The following BAHCC1 variants were observed in gnomAD, a reference collection of about 807,000 sequenced individuals.
The protein encoded by BAHCC1 is BAH domain and coiled-coil containing 1.
Under a neutral mutation model 88.2 loss-of-function variants are expected in BAHCC1, and 43 were observed. That is an observed-to-expected ratio of 0.49 (90% CI 0.38 to 0.63). The LOEUF is 0.63. Ranked by LOEUF, BAHCC1 falls within the 20% of genes least tolerant of loss-of-function variation. The pLI, the probability that BAHCC1 is intolerant of heterozygous loss-of-function variation, is 0.00. For synonymous variants in BAHCC1, 1,510 were observed against 745.5 expected, an observed-to-expected ratio of 2.03 and a Z score of -16.71; for missense variants, 3,023 against 1,654.8, an observed-to-expected ratio of 1.83 and a Z score of -14.34.
At chr17:81,439,352 G>A (rs529459146) in intron 4 of BAHCC1, among the ~76,000 whole-genome samples, 112 of 152,328 alleles carry the variant, frequency 7.4e-4, no homozygotes, top group African/African-American at 2.5e-3. Flanking sequence ...CACAGGGGCC[G>A]GCATCGGTGA....
Position 81,419,555 on chromosome 17 carries a change from C to T in BAHCC1, c.179-7245C>T, listed in dbSNP as rs552414308. ...CCTGGTGTCCCCCGCCTGGGCGGGC[C>T]CTGTGGGGAGCGGGGAAGGTGTGGA... On this transcript the variant is annotated intron_variant, in intron 2 of 27. Coordinates refer to ENST00000675386, the MANE Select transcript of BAHCC1 (RefSeq NM_001377448.1). Among the ~76,000 whole-genome samples, 7 of 152,160 alleles carry T rather than the reference C, an allele frequency of 4.6e-5. No individual in the cohort carries two copies. The South Asian group carries it at 1.4e-3, about 32-fold the overall frequency.
Position 81,459,146 on chromosome 17 carries a change from A to G in BAHCC1, c.5698A>G (p.Arg1900Gly), listed in dbSNP as rs1483899102. Residue 1900 changes from arginine to glycine, a missense_variant, in exon 21 of 28, where the codon AGG (arginine) becomes GGG (glycine). Transcript: ENST00000675386. ...EDSLLYAGSV[R>G]TLQPPDIYSI... ...TAGCCTGCTGTACGCGGGCAGCGTCAGGACCCTGCAGCCACCCGACATGTG... is the reference window on the plus strand; with the variant it reads ...TAGCCTGCTGTACGCGGGCAGCGTCGGGACCCTGCAGCCACCCGACATGTG... 6.5e-6 allele frequency: 5 copies of G among 769,798 alleles called. No individual in the cohort carries two copies. Among genetic ancestry groups the G allele is most frequent in the African/African-American group, 3.4e-5 (2 of 58,950 alleles). 47.7% of individuals were successfully genotyped at this position (769,798 alleles called of 1,614,324 possible). A position where few individuals can be genotyped will look rare whatever the true frequency, so the allele number is the denominator to read the frequency against.
intron 3 of BAHCC1, among the ~76,000 whole-genome samples, chr17:81,430,890 G>A (rs2064252691): frequency 6.6e-6 from 1 of 152,084 alleles, no homozygotes; most frequent in Non-Finnish European, 1.5e-5. Flanking sequence ...CCCTTGCCCT[G>A]CCTAGACCTG....
intron 14 of BAHCC1, among the ~76,000 whole-genome samples, chr17:81,454,492 G>A (rs1191310056): frequency 2.0e-5 from 3 of 152,134 alleles, no homozygotes; most frequent in South Asian, 2.1e-4. Context: ...GCCCGGCAAC[G>A]GGGTCCCTGG....
chr17:81,457,319 C>T, intron 16 of BAHCC1, 91 bp from the exon 17 acceptor site: 2 of 673,870 alleles, frequency 3.0e-6, no homozygotes, highest in Non-Finnish European at 5.5e-6. Flanking sequence ...CACAGCCCCG[C>T]CATAACCGCA....
At chr17:81,413,933 C>T (rs549472341) in intron 2 of BAHCC1, among the ~76,000 whole-genome samples, 62 of 152,328 alleles carry the variant, frequency 4.1e-4, no homozygotes, top group African/African-American at 1.3e-3. Flanking sequence ...TCCGCAGGTG[C>T]GTCAGCCACC....
intron 11 of BAHCC1, among the ~76,000 whole-genome samples, chr17:81,448,394 A>T (rs1254906542): frequency 6.6e-6 from 1 of 151,922 alleles, no homozygotes; most frequent in African/African-American, 2.4e-5. Context: ...CAGCCGGACA[A>T]CAGTGGGCGG....
At chr17:81,407,806 G>A (rs1464733780) in intron 2 of BAHCC1, among the ~76,000 whole-genome samples, 1 of 152,188 alleles carries the variant, frequency 6.6e-6, no homozygotes, top group Non-Finnish European at 1.5e-5. Flanking sequence ...ACATACACCT[G>A]CTCCTGTGTG....
intron 5 of BAHCC1, 119 bp downstream of exon 5, chr17:81,443,683 C>A (rs1171054083): frequency 1.6e-6 from 1 of 641,364 alleles, no homozygotes; most frequent in African/African-American, 1.8e-5. Flanking sequence ...CTCCGAGGCC[C>A]CAGGACCAGG....
intron 2 of BAHCC1, among the ~76,000 whole-genome samples, chr17:81,416,852 C>G (rs1358369479): frequency 6.6e-6 from 1 of 152,218 alleles, no homozygotes; most frequent in Non-Finnish European, 1.5e-5. Context: ...ATGGGAGAGG[C>G]TGGCCAGCAG....
rs200375025 is a variant in BAHCC1 at position 81,461,117 on chromosome 17, G to A, written c.6454G>A (p.Gly2152Ser). 5.9e-4 allele frequency: 452 copies of A among 765,184 alleles called. No individual in the cohort carries two copies. Among genetic ancestry groups the A allele is most frequent in the African/African-American group, 8.8e-4 (52 of 59,186 alleles). The allele number at this position is 765,184 out of a possible 1,614,324, so 47.4% of individuals were successfully genotyped here. A position where few individuals can be genotyped will look rare whatever the true frequency, so the allele number is the denominator to read the frequency against. The change falls in exon 26 of 28, where the codon GGC becomes AGC. Residue 2152 changes from glycine to serine, a missense_variant. By Grantham distance (56) the Gly-to-Ser change is moderately conservative. Coordinates refer to ENST00000675386, the MANE Select transcript of BAHCC1 (RefSeq NM_001377448.1). Reference protein sequence around the residue: ...HSVATPIFGNGFRADSFSSLA... With the variant: ...HSVATPIFGNSFRADSFSSLA... ...CGTGGCCACACCCATATTTGGCAAC[G>A]GCTTCCGCGCCGACTCCTTCAGCAG...
chr17:81,456,913 C>T (rs1329355154), intron 16 of BAHCC1, among the ~76,000 whole-genome samples: 6 of 149,510 alleles, frequency 4.0e-5, no homozygotes, highest in East Asian at 2.0e-4. Flanking sequence ...CTGTAGCATC[C>T]GGCTGAGCTG....
chr17:81,462,102 C>T (rs1404574730), intron 26 of BAHCC1, 56 bp downstream of exon 26: 1 of 680,910 alleles, frequency 1.5e-6, no homozygotes, highest in African/African-American at 1.8e-5. Flanking sequence ...CCGGGGCGGG[C>T]TCATGCGCCC....
chr17:81,455,820 C>A (rs546228299), intron 15 of BAHCC1, among the ~76,000 whole-genome samples: 1 of 151,762 alleles, frequency 6.6e-6, no homozygotes, highest in African/African-American at 2.4e-5. Flanking sequence ...TTCTTCTTGG[C>A]GTGGTGGGGG....
chr17:81,446,706 G>A (rs35863076), intron 10 of BAHCC1: 12 of 464,696 alleles, frequency 2.6e-5, no homozygotes, highest in Admixed American at 1.2e-4. Flanking sequence ...GCACCACCAC[G>A]CCCAGCTCAT....
At chr17:81,419,772 C>CGCCATCTCAA (rs2064092260) in intron 2 of BAHCC1, among the ~76,000 whole-genome samples, 1 of 149,818 alleles carries the variant, frequency 6.7e-6, no homozygotes, top group South Asian at 2.1e-4. Flanking sequence ...CTGGAGCTGC[C>CGCCATCTCAA]GCCATCTCAA....
chr17:81,418,971 AGT>A (rs1475472777), intron 2 of BAHCC1, among the ~76,000 whole-genome samples: 1 of 151,194 alleles, frequency 6.6e-6, no homozygotes, highest in African/African-American at 2.4e-5. Context: ...TGCAAGTGTG[AGT>A]GTGTGCAAGT....
chr17:81,451,682 G>C lies in BAHCC1; in HGVS notation c.3991G>C (p.Val1331Leu), dbSNP rs1432777031. The C allele has an allele frequency of 2.6e-6, 2 of 776,452 alleles. No homozygotes were observed. Among genetic ancestry groups the C allele is most frequent in the Non-Finnish European group, 4.8e-6 (2 of 417,714 alleles). The allele number at this position is 776,452 out of a possible 1,614,324, so 48.1% of individuals were successfully genotyped here. A position where few individuals can be genotyped will look rare whatever the true frequency, so the allele number is the denominator to read the frequency against. ...ERTVPEEEED[V>L]LAFNLQHLAT... ...ATGCCGCACAGAGGAGGAAGAGGACGTGCTAGCCTTCAACCTGCAGCACCT... is the reference window on the plus strand; with the variant it reads ...ATGCCGCACAGAGGAGGAAGAGGACCTGCTAGCCTTCAACCTGCAGCACCT... The change falls in exon 12 of 28, where the codon GTG (valine) becomes CTG (leucine). Residue 1331 changes from valine (V) to leucine (L), a missense_variant. Coordinates refer to ENST00000675386, the MANE Select transcript of BAHCC1 (RefSeq NM_001377448.1).
chr17:81,458,493 C>T (rs1323878032), intron 18 of BAHCC1, 27 bp downstream of exon 18: 7 of 678,028 alleles, frequency 1.0e-5, no homozygotes, highest in South Asian at 3.2e-5. Context: ...GGGTGCTGGG[C>T]GGAGAGGGTG....
Sources: gnomAD v4.1 joint callset for allele counts (sites outside exome capture counted in the v4.1 genomes callset) on GRCh38, gnomAD v4.1.1 for gene constraint, MANE v1.5 for transcripts, NCBI Gene and HGNC (gene_info 2026-07-23, HGNC 2026-07-21) for gene names.